SNAP47: variants seen among roughly 807,000 people sequenced by gnomAD.
SNAP47 encodes the protein synaptosome associated protein 47.
Under a neutral mutation model 31.4 loss-of-function variants are expected in SNAP47, and 20 were observed. The observed-to-expected ratio is 0.64, with a 90% CI of 0.45 to 0.93. The LOEUF is 0.93. Among genes scored for constraint, SNAP47 ranks in the 40% least tolerant of loss-of-function variants. The pLI, the probability that SNAP47 is intolerant of heterozygous loss-of-function variation, is 0.00. For missense variants in SNAP47, 492 were observed against 528.5 expected (o/e 0.93, Z 0.68); for synonymous variants, 194 against 213.4 (o/e 0.91, Z 0.79).
chr1:227,731,563 G>T (rs1014329984), upstream of SNAP47: 1 of 152,338 alleles, frequency 6.6e-6, no homozygotes, highest in African/African-American at 2.4e-5. Context: ...AGGATCCCAC[G>T]AGAGTCCATT....
chr1:227,766,315 G>T (rs553806807), intron 3 of SNAP47, among the ~76,000 whole-genome samples: 41 of 152,360 alleles, frequency 2.7e-4, no homozygotes, highest in African/African-American at 9.9e-4. Context: ...CTGGGCCCCG[G>T]GGTGTCAAGG....
At position 227,780,524 on chromosome 1, in the gene SNAP47, C is replaced by G; in HGVS notation, c.1114-3C>G. The G allele has an allele frequency of 6.2e-7, 1 of 1,613,940 alleles. No individual in the cohort carries two copies. The highest frequency in any genetic ancestry group is 1.3e-5 in the African/African-American group (1 of 75,068). On this transcript the variant is annotated splice_region_variant and splice_polypyrimidine_tract_variant and intron_variant, in intron 4 of 4. Transcript: ENST00000617596. ...TCTGCTGTGATCTTGTGCTTCTCCC[C>G]AGATCCTGAGGAGGATGAAGGGGCT...
In SNAP47 at chr1:227,763,111, C is replaced by G. The variant is rs1262338240; in HGVS notation, c.988+3626C>G. 2.0e-5 allele frequency among the ~76,000 whole-genome samples: 3 copies of G among 152,066 alleles called. No individual in the cohort carries two copies. Among genetic ancestry groups the G allele is most frequent in the African/African-American group, 7.2e-5 (3 of 41,404 alleles). ...AGCTGGGACTATAGGCACATATCAC[C>G]ATGCCCAGCTAATTTTTTTTTTTTT... On this transcript the variant is annotated intron_variant, in intron 3 of 4. Coordinates refer to ENST00000617596, the MANE Select transcript of SNAP47 (RefSeq NM_053052.4). This position sits in a 1 kb window ranked among gnomAD's most constrained non-coding sequence, Gnocchi z 4.2.
chr1:227,746,024 C>G (rs1238521741), intron 1 of SNAP47: 1 of 152,266 alleles, frequency 6.6e-6, no homozygotes, highest in Non-Finnish European at 1.5e-5. Flanking sequence ...CCAAATCTGT[C>G]CAGTCACAGG....
upstream of SNAP47, chr1:227,733,192 T>G: frequency 1.1e-6 from 1 of 888,768 alleles, no homozygotes; most frequent in East Asian, 2.7e-5. Flanking sequence ...GGTGGCGGGC[T>G]CGGACCACCT....
At chr1:227,748,354 C>G (rs1229520035) in intron 2 of SNAP47, 121 bp downstream of exon 2, 1 of 1,150,150 alleles carries the variant, frequency 8.7e-7, no homozygotes, top group Admixed American at 3.0e-5. Flanking sequence ...TTCTGAGATC[C>G]TGGCTGTGCA....
Position 227,759,025 on chromosome 1 carries a change from G to A in SNAP47, c.528G>A (p.Trp176Ter), listed in dbSNP as rs1662868631. ...TGACAGAACTGGAATCTCCTGCTTG[G>A]TGGCCCTTTAGCTCCAAGCTTTGGA... is the stretch of plus-strand genomic sequence containing the variant. ...RLLTELESPA[W>*]WPFSSKLWKT... is the part of the protein sequence containing the mutation. The change falls in exon 3 of 5, where the codon TGG becomes TGA. Residue 176 changes from tryptophan (W) to a stop codon, truncating the protein, a stop_gained. Transcript: ENST00000617596. LOFTEE classifies it high-confidence loss of function. 2 of 1,606,384 alleles carry A rather than the reference G, an allele frequency of 1.2e-6. No individual in the cohort carries two copies. Among genetic ancestry groups the A allele is most frequent in the Non-Finnish European group, 1.7e-6 (2 of 1,177,148 alleles).
intron 4 of SNAP47, among the ~76,000 whole-genome samples, chr1:227,778,095 G>A (rs1389131798): frequency 1.3e-5 from 2 of 152,264 alleles, no homozygotes; most frequent in African/African-American, 4.8e-5. Context: ...ATTCGCAAGA[G>A]TGTATGGACA....
chr1:227,767,068 C>G lies in SNAP47; in HGVS notation c.1098C>G (p.Thr366=), dbSNP rs531705802. The stretch of plus-strand genomic sequence containing the variant: ...TGCCAGCCCTTTCTGAGGCAGATAC[C>G]CAGGAACTAACCCAGGTAAGATGTC... ...TSLPALSEAD[T]QELTQILRRM... The change falls in exon 4 of 5, where the codon ACC becomes ACG. Residue 366 remains threonine, a synonymous_variant. Transcript: ENST00000617596. 5 of 1,614,084 alleles carry G rather than the reference C, an allele frequency of 3.1e-6. No homozygotes were observed. The highest frequency in any genetic ancestry group is 2.2e-5 in the South Asian group (2 of 91,072).
chr1:227,740,453 C>G (rs1661517229), intron 1 of SNAP47, among the ~76,000 whole-genome samples: 1 of 152,050 alleles, frequency 6.6e-6, no homozygotes, highest in Non-Finnish European at 1.5e-5. Context: ...GAGATGTTGT[C>G]CAGGTGTGGA....
rs1192245976 is a variant in SNAP47 at position 227,747,841 on chromosome 1, G to T, written c.105G>T (p.Arg35Ser). 1 of 1,614,040 alleles carries T rather than the reference G, an allele frequency of 6.2e-7. No homozygotes were observed. Among genetic ancestry groups the T allele is most frequent in the African/African-American group, 1.3e-5 (1 of 74,910 alleles). Reference sequence around the variant, plus strand: ...TGTCCTTAACATCGCTGTCGCTCAGGTTCATGACTGACAGCACTGGAGAGA... The same window carrying T: ...TGTCCTTAACATCGCTGTCGCTCAGTTTCATGACTGACAGCACTGGAGAGA... ...GQLSLTSLSLRFMTDSTGEIL... is the reference protein window; with the variant it reads ...GQLSLTSLSLSFMTDSTGEIL... Residue 35 changes from arginine (R) to serine (S), a missense_variant, in exon 2 of 5, where the codon AGG (arginine) becomes AGT (serine). Coordinates refer to ENST00000617596, the MANE Select transcript of SNAP47 (RefSeq NM_053052.4).
upstream of SNAP47, chr1:227,735,327 C>A (rs751065938): frequency 1.2e-6 from 2 of 1,600,434 alleles, no homozygotes; most frequent in Non-Finnish European, 1.7e-6. Context: ...GGAGCGGAAA[C>A]GGTGAGGACC....
At chr1:227,739,384 G>T (rs1661443365) in intron 1 of SNAP47, among the ~76,000 whole-genome samples, 1 of 152,142 alleles carries the variant, frequency 6.6e-6, no homozygotes, top group Non-Finnish European at 1.5e-5. Context: ...CCGAATATGT[G>T]CTCCTCTGTC....
At chr1:227,767,175 G>A (rs1441188520) in intron 4 of SNAP47, 92 bp downstream of exon 4, 3 of 1,542,776 alleles carry the variant, frequency 1.9e-6, no homozygotes, top group East Asian at 4.8e-5. Context: ...AACAAGCTCT[G>A]GGTCATCCAT....
intron 1 of SNAP47, among the ~76,000 whole-genome samples, chr1:227,729,899 CTT>C (rs1660531386): frequency 2.0e-5 from 3 of 152,210 alleles, no homozygotes; most frequent in Admixed American, 2.0e-4. Context: ...CAGGGCCTGA[CTT>C]TTCCAGCCTT....
chr1:227,731,229 C>T (rs988726921), upstream of SNAP47: 1 of 152,322 alleles, frequency 6.6e-6, no homozygotes, highest in Admixed American at 6.5e-5. Flanking sequence ...ACATATGAAG[C>T]ACCTACTGTG....
Position 227,741,137 on chromosome 1 carries a change from A to AGGGGGCC in SNAP47, c.-46+5639_-46+5640insGGGGCCG, listed in dbSNP as rs1661571252. ...TCAAGTGCCTGTTAGGGGTGGGGGC[A>AGGGGGCC]GATCAGCGAGTGATCAGATGTCCAA... On this transcript the variant is annotated intron_variant, in intron 1 of 4. Transcript: ENST00000617596. This position sits in a 1 kb window ranked among gnomAD's most constrained non-coding sequence, Gnocchi z 4.2. Among the ~76,000 whole-genome samples, 1 of 152,166 alleles carries AGGGGGCC rather than the reference A, an allele frequency of 6.6e-6. No homozygotes were observed.
intron 1 of SNAP47, among the ~76,000 whole-genome samples, chr1:227,743,421 G>GTGGGCTCCGGCCTCCCA (rs1233349871): frequency 1.3e-5 from 2 of 152,156 alleles, no homozygotes; most frequent in Admixed American, 1.3e-4. Flanking sequence ...AAGGCCTCCC[G>GTGGGCTCCGGCCTCCCA]TGGGCTCCGG....
upstream of SNAP47, chr1:227,735,274 C>G (rs201397186): frequency 1.9e-6 from 3 of 1,606,786 alleles, no homozygotes; most frequent in Middle Eastern, 1.7e-4. Context: ...CGCGGTCCAT[C>G]CAGCTCAGCA....
Sources: gnomAD v4.1 joint callset for allele counts (sites outside exome capture counted in the v4.1 genomes callset) on GRCh38, gnomAD v4.1.1 for gene constraint, Gnocchi (gnomAD v3.1) non-coding constraint, MANE v1.5 for transcripts, NCBI Gene and HGNC (gene_info 2026-07-23, HGNC 2026-07-21) for gene names.